Variants in NF1 observed in about 807,000 individuals in gnomAD.
The protein encoded by NF1 is neurofibromin 1.
Under a neutral mutation model 325.7 loss-of-function variants are expected in NF1, and 122 were observed. That is an observed-to-expected ratio of 0.37 (90% CI 0.32 to 0.44). NF1 has a LOEUF of 0.44. NF1 is among the 20% of genes least tolerant of loss of function. The pLI is 1.00. For missense variants in NF1, 2,140 were observed against 3,415.4 expected, an observed-to-expected ratio of 0.63 and a Z score of 9.31; for synonymous variants, 1,091 against 1,186.0, an observed-to-expected ratio of 0.92 and a Z score of 1.65.
At position 31,336,891 on chromosome 17, in the gene NF1, C is replaced by T. The variant is rs1555534770; in HGVS notation, c.6404C>T (p.Thr2135Ile). The change falls in exon 42 of 58, where the codon ACT becomes ATT. Residue 2135 changes from threonine to isoleucine, a missense_variant. By Grantham distance (89) the Thr-to-Ile change is moderately conservative (BLOSUM62 -1). Around this residue, in one of 10 missense-constraint regions of NF1, gnomAD observed 180 missense variants for 435.1 expected, o/e 0.41. Transcript: ENST00000358273. This position sits in a 1 kb window ranked among gnomAD's most constrained non-coding sequence, Gnocchi z 5.5. ...ATTAATATCATTCACTCTCTGTGTA[C>T]TTGTTCACAGCTTCATTTTAGTGGT... ...LVINIIHSLC[T>I]CSQLHFSEET... 1 of 1,611,856 alleles carries T rather than the reference C, an allele frequency of 6.2e-7. No homozygotes were observed. The highest frequency in any genetic ancestry group is 8.5e-7 in the Non-Finnish European group (1 of 1,179,992).
intron 1 of NF1, among the ~76,000 whole-genome samples, chr17:31,111,742 GAT>G (rs527570916): frequency 2.8e-4 from 43 of 152,262 alleles, no homozygotes; most frequent in South Asian, 1.4e-3. Flanking sequence ...TGCACTGTAA[GAT>G]TACTGAAGGA....
intron 1 of NF1, among the ~76,000 whole-genome samples, chr17:31,130,084 G>T (rs4795578): frequency 0.64 from 87,981 of 137,618 alleles, 28,234 homozygotes; most frequent in Middle Eastern, 0.83. Flanking sequence ...GTTTTTTTTT[G>T]TTTTTTTTTT....
At chr17:31,213,451 C>T (rs766806458) in intron 12 of NF1, among the ~76,000 whole-genome samples, 3 of 152,186 alleles carry the variant, frequency 2.0e-5, no homozygotes, top group Admixed American at 6.5e-5. Flanking sequence ...ATATGCATGT[C>T]TGCTTCTTAA....
intron 36 of NF1, among the ~76,000 whole-genome samples, chr17:31,276,580 A>G (rs2068014799): frequency 6.6e-6 from 1 of 152,204 alleles, no homozygotes; most frequent in Non-Finnish European, 1.5e-5. Context: ...ATCTGCATAG[A>G]TGGGAGGTTT....
intron 36 of NF1, among the ~76,000 whole-genome samples, chr17:31,280,430 TCGCTTGAACCC>T: frequency 6.9e-6 from 1 of 145,740 alleles, no homozygotes; most frequent in Non-Finnish European, 1.5e-5. Flanking sequence ...GGCAGGAGAA[TCGCTTGAACCC>T]GGGAGGCAGA....
chr17:31,122,034 C>G (rs138033892), intron 1 of NF1, among the ~76,000 whole-genome samples: 4 of 152,246 alleles, frequency 2.6e-5, no homozygotes, highest in Non-Finnish European at 4.4e-5. Context: ...TAACTTTATT[C>G]TGTGGGTTCA....
intron 57 of NF1, among the ~76,000 whole-genome samples, chr17:31,373,152 G>C (rs547345576): frequency 2.0e-5 from 3 of 152,306 alleles, no homozygotes; most frequent in African/African-American, 7.2e-5. Flanking sequence ...AGATTCTACA[G>C]TATGACCTTT....
chr17:31,261,935 A>G (rs558711758), intron 35 of NF1, 78 bp downstream of exon 35: 21 of 1,410,054 alleles, frequency 1.5e-5, no homozygotes, highest in South Asian at 8.2e-5. Flanking sequence ...CACTTGTTAG[A>G]TATGATAGAA....
At chr17:31,315,396 T>G (rs1477121453) in intron 36 of NF1, among the ~76,000 whole-genome samples, 1 of 152,162 alleles carries the variant, frequency 6.6e-6, no homozygotes, top group African/African-American at 2.4e-5. Context: ...TTAAAATAAC[T>G]AAAAGTGTAA....
At position 31,098,881 on chromosome 17, in the gene NF1, G is replaced by A. The variant is rs191175894; in HGVS notation, c.60+3512G>A. Among the ~76,000 whole-genome samples the A allele has an allele frequency of 8.9e-3, 1,296 of 145,052 alleles. 16 individuals are homozygous for A. Among genetic ancestry groups the A allele is most frequent in the Non-Finnish European group, 0.013 (894 of 67,008 alleles). On this transcript the variant is annotated intron_variant, in intron 1 of 57. Transcript: ENST00000358273. ...TGGGAGGTGGAGCTTGCGGTGAGCC[G>A]AGATTGCGCCACTGCACTCCAGCCT...
intron 36 of NF1, among the ~76,000 whole-genome samples, chr17:31,317,368 A>AACGCAC (rs34766876): frequency 3.0e-4 from 43 of 144,562 alleles, no homozygotes; most frequent in Non-Finnish European, 1.1e-4. Flanking sequence ...TCCAGATTTG[A>AACGCAC]ACACACACAC....
intron 48 of NF1, among the ~76,000 whole-genome samples, chr17:31,346,818 C>CTTTT (rs59155043): frequency 4.6e-5 from 5 of 108,210 alleles, no homozygotes; most frequent in Admixed American, 9.3e-5. Flanking sequence ...AAGAATTTGG[C>CTTTT]TTTTTTTTTT....
In NF1 at chr17:31,357,280, A is replaced by G. The variant is rs756880349; in HGVS notation, c.7881A>G (p.Val2627=). The G allele has an allele frequency of 5.0e-6, 8 of 1,613,496 alleles. No individual in the cohort carries two copies. In the Admixed American group the frequency reaches 1.2e-4, roughly 24 times the overall value. Residue 2627 remains valine (V), a synonymous_variant, in exon 54 of 58, where the codon GTA becomes GTG. Coordinates refer to ENST00000358273, the MANE Select transcript of NF1 (RefSeq NM_001042492.3). ...TTGCATCTTGGCAGGCTACACTGGT[A>G]AAATATACCACAGATGAGTTTGATC... ...ALLLTVLATL[V]KYTTDEFDQR...
chr17:31,264,676 A>C (rs2067754783), intron 35 of NF1, among the ~76,000 whole-genome samples: 1 of 152,176 alleles, frequency 6.6e-6, no homozygotes, highest in African/African-American at 2.4e-5. Context: ...GAAGAAGCAC[A>C]CTGAGTCTTG....
intron 36 of NF1, among the ~76,000 whole-genome samples, chr17:31,283,949 C>T (rs1041811440): frequency 3.3e-5 from 5 of 152,300 alleles, no homozygotes; most frequent in South Asian, 2.1e-4. Context: ...ATCCACATTA[C>T]TTGGGTGTTA....
chr17:31,313,207 A>G (rs17826544), intron 36 of NF1, among the ~76,000 whole-genome samples: 69,002 of 152,016 alleles, frequency 0.45, 19,223 homozygotes, highest in Non-Finnish European at 0.62. Flanking sequence ...TTACTATGCA[A>G]ACTAAAGGGG....
intron 36 of NF1, among the ~76,000 whole-genome samples, chr17:31,282,077 C>A (rs1445189102): frequency 1.3e-5 from 2 of 150,458 alleles, no homozygotes; most frequent in Admixed American, 6.6e-5. Flanking sequence ...AAAAAAAAAT[C>A]TTTTTTTTAA....
In NF1 at chr17:31,225,170, A is replaced by G. The variant is rs769154907; in HGVS notation, c.1921A>G (p.Ser641Gly). Residue 641 changes from serine to glycine, a missense_variant, in exon 17 of 58, where the codon AGT becomes GGT. By Grantham distance (56) the Ser-to-Gly change is moderately conservative (BLOSUM62 0). Transcript: ENST00000358273. ...GCDIPSSGNT[S>G]QMSMDHEELL... Reference sequence around the variant, plus strand: ...TGATATTCCTTCTAGTGGAAATACCAGTCAAATGTCCATGGATCATGAAGA... The same window carrying G: ...TGATATTCCTTCTAGTGGAAATACCGGTCAAATGTCCATGGATCATGAAGA... The G allele has an allele frequency of 1.4e-5, 22 of 1,613,774 alleles. No homozygotes were observed. The highest frequency in any genetic ancestry group is 1.6e-4 in the Middle Eastern group (1 of 6,062).
At chr17:31,370,310 A>G (rs1021619339) in intron 57 of NF1, among the ~76,000 whole-genome samples, 1 of 152,146 alleles carries the variant, frequency 6.6e-6, no homozygotes, top group African/African-American at 2.4e-5. Context: ...TGTGCTCATT[A>G]GGAAAAAAAT....
Sources: gnomAD v4.1 joint callset for allele counts (sites outside exome capture counted in the v4.1 genomes callset) on GRCh38, gnomAD v4.1.1 for gene constraint, gnomAD v4.1.1 regional missense constraint, Gnocchi (gnomAD v3.1) non-coding constraint, MANE v1.5 for transcripts, NCBI Gene and HGNC (gene_info 2026-07-23, HGNC 2026-07-21) for gene names.